The following CNTNAP2 variants were observed in gnomAD, a reference collection of about 807,000 sequenced individuals.
The protein encoded by CNTNAP2 is contactin-associated protein-like 2.
In CNTNAP2, 98 loss-of-function variants were observed where a neutral mutation model predicts 155.2. The ratio of observed to expected loss-of-function variants is 0.63; its 90% CI spans 0.54 to 0.75. The LOEUF (loss-of-function observed/expected upper bound fraction) is 0.75. CNTNAP2 is among the 30% of genes least tolerant of loss of function. The pLI, the probability that CNTNAP2 is intolerant of heterozygous loss-of-function variation, is 0.00. For synonymous variants in CNTNAP2, 651 were observed against 631.2 expected, an observed-to-expected ratio of 1.03 and a Z score of -0.47; for missense variants, 1,727 against 1,688.1, an observed-to-expected ratio of 1.02 and a Z score of -0.40.
chr7:147,320,619 G>A (rs1795333378), intron 9 of CNTNAP2, among the ~76,000 whole-genome samples: 1 of 152,150 alleles, frequency 6.6e-6, no homozygotes, highest in South Asian at 2.1e-4. Context: ...TGGTAGAGTA[G>A]TATATAAATT....
intron 3 of CNTNAP2, among the ~76,000 whole-genome samples, chr7:146,870,531 T>C (rs1366361743): frequency 6.6e-6 from 1 of 152,142 alleles, no homozygotes; most frequent in East Asian, 1.9e-4. Flanking sequence ...GATACTAACT[T>C]TCAATGTGAA....
intron 1 of CNTNAP2, among the ~76,000 whole-genome samples, chr7:146,279,207 T>A (rs1365231913): frequency 6.6e-6 from 1 of 152,138 alleles, no homozygotes; most frequent in African/African-American, 2.4e-5. Flanking sequence ...AAATAATGAA[T>A]GTTGTTGTCT....
At chr7:148,301,306 A>AAATATATATATATATATATATATATAT in intron 21 of CNTNAP2, among the ~76,000 whole-genome samples, 4 of 103,864 alleles carry the variant, frequency 3.9e-5, no homozygotes, top group African/African-American at 1.1e-4. Context: ...AAAAAAAAAA[A>AAATATATATATATATATATATATATAT]ATATATATAT....
At chr7:147,001,877 A>G (rs1798430870) in intron 3 of CNTNAP2, among the ~76,000 whole-genome samples, 1 of 152,020 alleles carries the variant, frequency 6.6e-6, no homozygotes, top group Admixed American at 6.6e-5. Flanking sequence ...TAAAAAATTA[A>G]TATTTTTAGA....
In CNTNAP2 at chr7:147,796,170, G is replaced by T. The variant is rs975696266; in HGVS notation, c.2099-107395G>T. ...CCTCATGAGAATAAAAGCTTTATGT[G>T]GAGTCCTATATCTATGTCCAATAAT... On this transcript the variant is annotated intron_variant, in intron 13 of 23. Transcript: ENST00000361727. Among the ~76,000 whole-genome samples the T allele has an allele frequency of 9.9e-5, 15 of 152,130 alleles. No individual in the cohort carries two copies. The East Asian group carries it at 2.7e-3, about 27-fold the overall frequency.
rs1329519977 is a variant in CNTNAP2 at position 148,415,576 on chromosome 7, C to T, written c.3956C>T (p.Thr1319Ile). ...AAIMNNDPNF[T>I]ETIDESKKEW... ...ATCATGAACAACGACCCCAACTTCA[C>T]AGAGACCATTGATGAAAGCAAAAAG... Residue 1319 changes from threonine to isoleucine, a missense_variant, in exon 24 of 24, where the codon ACA (threonine) becomes ATA (isoleucine). Thr to Ile is a moderately conservative substitution (Grantham distance 89). Coordinates refer to ENST00000361727, the MANE Select transcript of CNTNAP2 (RefSeq NM_014141.6). 6.2e-7 allele frequency: 1 copy of T among 1,614,104 alleles called. No homozygotes were observed. Among genetic ancestry groups the T allele is most frequent in the East Asian group, 2.2e-5 (1 of 44,892 alleles).
chr7:148,335,785 T>G (rs1798105552), intron 21 of CNTNAP2, among the ~76,000 whole-genome samples: 1 of 152,258 alleles, frequency 6.6e-6, no homozygotes, highest in Admixed American at 6.5e-5. Context: ...CTTTCTAGAT[T>G]TTTATTTACT....
At chr7:147,277,911 T>G (rs527244458) in intron 8 of CNTNAP2, among the ~76,000 whole-genome samples, 1 of 151,942 alleles carries the variant, frequency 6.6e-6, no homozygotes, top group East Asian at 1.9e-4. Context: ...TCGAAGTCCT[T>G]CATCATCTGG....
chr7:147,884,342 G>T (rs555756783), intron 13 of CNTNAP2, among the ~76,000 whole-genome samples: 2 of 152,288 alleles, frequency 1.3e-5, no homozygotes, highest in African/African-American at 2.4e-5. Context: ...AGAGAGGCAG[G>T]TGGTTTTGAT....
chr7:146,821,443 T>C (rs1803281269), intron 2 of CNTNAP2, among the ~76,000 whole-genome samples: 1 of 152,160 alleles, frequency 6.6e-6, no homozygotes, highest in Non-Finnish European at 1.5e-5. Context: ...TGGCTGGATA[T>C]GAAATTCTGG....
chr7:146,608,083 T>G (rs9691874), intron 1 of CNTNAP2, among the ~76,000 whole-genome samples: 73,581 of 152,040 alleles, frequency 0.48, 18,665 homozygotes, highest in Non-Finnish European at 0.57. Flanking sequence ...GGAGCTAAAC[T>G]TCATGTTCTC....
chr7:146,928,937 C>T (rs1796675912), intron 3 of CNTNAP2, among the ~76,000 whole-genome samples: 1 of 152,228 alleles, frequency 6.6e-6, no homozygotes, highest in South Asian at 2.1e-4. Context: ...AGCCAGGAAG[C>T]TGGAACTGGG....
chr7:148,216,381 C>A (rs12536776), intron 18 of CNTNAP2, among the ~76,000 whole-genome samples: 1 of 152,190 alleles, frequency 6.6e-6, no homozygotes, highest in Non-Finnish European at 1.5e-5. Context: ...CCTAAGGTCA[C>A]ACAGCTATTT....
intron 1 of CNTNAP2, among the ~76,000 whole-genome samples, chr7:146,426,296 G>A (rs1201368871): frequency 6.7e-6 from 1 of 150,248 alleles, no homozygotes; most frequent in Non-Finnish European, 1.5e-5. Context: ...TAGCACCATG[G>A]TACCAGAGCT....
At chr7:148,155,733 A>C (rs747088328) in intron 17 of CNTNAP2, among the ~76,000 whole-genome samples, 1 of 152,198 alleles carries the variant, frequency 6.6e-6, no homozygotes, top group Non-Finnish European at 1.5e-5. Flanking sequence ...TTTCTAAAGT[A>C]AGTGCTCTTA....
At chr7:146,451,186 T>TA (rs1796475644) in intron 1 of CNTNAP2, among the ~76,000 whole-genome samples, 1 of 152,184 alleles carries the variant, frequency 6.6e-6, no homozygotes, top group African/African-American at 2.4e-5. Flanking sequence ...GACCTCGTGA[T>TA]CTGCCCACCT....
At chr7:147,534,634 ATCTT>A (rs1799507711) in intron 11 of CNTNAP2, among the ~76,000 whole-genome samples, 1 of 152,192 alleles carries the variant, frequency 6.6e-6, no homozygotes, top group African/African-American at 2.4e-5. Context: ...TAAAAAATAA[ATCTT>A]TATTTCAAAG....
intron 15 of CNTNAP2, among the ~76,000 whole-genome samples, chr7:148,041,928 G>A (rs757696): frequency 0.75 from 114,704 of 152,144 alleles, 44,203 homozygotes; most frequent in African/African-American, 0.91. Flanking sequence ...TTCTGTACAG[G>A]CATTCTGGAG....
At chr7:148,197,806 G>A (rs924499353) in intron 18 of CNTNAP2, among the ~76,000 whole-genome samples, 6 of 152,144 alleles carry the variant, frequency 3.9e-5, no homozygotes, top group Non-Finnish European at 8.8e-5. Flanking sequence ...ATGGAAAGAG[G>A]AGGAGCTCAA....
Sources: allele counts gnomAD v4.1 joint callset (sites outside exome capture counted in the v4.1 genomes callset), GRCh38; gene constraint gnomAD v4.1.1; transcripts MANE v1.5; gene names NCBI Gene and HGNC (gene_info 2026-07-23, HGNC 2026-07-21).